Variants in MIER2 observed in about 807,000 individuals in gnomAD.
MIER2 encodes MIER family member 2.
MIER2 carries 30 observed loss-of-function variants against 67.6 expected under a neutral mutation model. The observed-to-expected ratio is 0.44, with a 90% CI of 0.33 to 0.60. The LOEUF (loss-of-function observed/expected upper bound fraction) is 0.60. MIER2 is among the 20% of genes least tolerant of loss of function. The pLI, the probability that MIER2 is intolerant of heterozygous loss-of-function variation, is 0.02. For synonymous variants in MIER2, 372 were observed against 312.6 expected (o/e 1.19, Z -2.00); for missense variants, 702 against 745.1 (o/e 0.94, Z 0.67).
chr19:316,165 C>T (rs374790946), intron 7 of MIER2, among the ~76,000 whole-genome samples: 3 of 152,252 alleles, frequency 2.0e-5, no homozygotes, highest in African/African-American at 7.2e-5. Flanking sequence ...AAGCACAAGG[C>T]CTATTACAAA....
intron 7 of MIER2, among the ~76,000 whole-genome samples, chr19:320,437 G>A (rs974076774): frequency 3.3e-5 from 5 of 151,826 alleles, no homozygotes; most frequent in East Asian, 1.9e-4. Flanking sequence ...AAATAGATAC[G>A]TAAATAAAAT....
intron 7 of MIER2, among the ~76,000 whole-genome samples, chr19:313,874 G>A (rs1971125538): frequency 6.6e-6 from 1 of 152,188 alleles, no homozygotes. Flanking sequence ...ACACAGGCCT[G>A]TATCCCAACG....
At chr19:320,062 T>C (rs879198659) in intron 7 of MIER2, among the ~76,000 whole-genome samples, 1 of 152,098 alleles carries the variant, frequency 6.6e-6, no homozygotes, top group Non-Finnish European at 1.5e-5. Context: ...TAAACTTGTT[T>C]CAGGTGTCCA....
intron 7 of MIER2, among the ~76,000 whole-genome samples, chr19:324,769 C>T (rs928468421): frequency 1.3e-5 from 2 of 152,334 alleles, no homozygotes; most frequent in South Asian, 4.1e-4. Context: ...CCAGACAGGG[C>T]ACCCTCATGG....
chr19:329,966 G>A (rs938640456), intron 3 of MIER2, among the ~76,000 whole-genome samples: 3 of 151,888 alleles, frequency 2.0e-5, no homozygotes, highest in Non-Finnish European at 2.9e-5. Flanking sequence ...GGCGTGGGAA[G>A]CATGCAGAAT....
At chr19:339,300 ACAGACATTTCTC>A (rs1294226834) in intron 1 of MIER2, among the ~76,000 whole-genome samples, 1 of 152,226 alleles carries the variant, frequency 6.6e-6, no homozygotes, top group Non-Finnish European at 1.5e-5. Flanking sequence ...AAGGATCTGA[ACAGACATTTCTC>A]CAAAGAGGAC....
At position 307,519 on chromosome 19, in the gene MIER2, C is replaced by A; in HGVS notation, c.1216G>T (p.Gly406Cys). Residue 406 changes from glycine to cysteine, a missense_variant, in exon 13 of 14, where the codon GGC (glycine) becomes TGC (cysteine). Physicochemically the swap from Gly to Cys is radical, Grantham distance 159. This residue lies in a region of MIER2 where 254 missense variants were observed against 262.8 expected (regional missense o/e 0.97). Transcript: ENST00000264819. ...GGCTCATCGAGACCACCGGCCGTGC[C>A]ATCCACGCTCAGTGGATCTGTGAAA... ...GMRTDPLSVDGTAGGLDEPGV... is the reference protein window; with the variant it reads ...GMRTDPLSVDCTAGGLDEPGV... 2 of 1,509,442 alleles carry A rather than the reference C, an allele frequency of 1.3e-6. No homozygotes were observed. Among genetic ancestry groups the A allele is most frequent in the Middle Eastern group, 1.8e-4 (1 of 5,602 alleles). 93.5% of individuals were successfully genotyped at this position (1,509,442 alleles called of 1,614,324 possible).
intron 1 of MIER2, among the ~76,000 whole-genome samples, chr19:337,174 T>C (rs745469777): frequency 6.6e-6 from 1 of 151,906 alleles, no homozygotes; most frequent in Non-Finnish European, 1.5e-5. Context: ...CACAAAACCC[T>C]CAACAAAATA....
intron 7 of MIER2, 51 bp downstream of exon 7, chr19:325,584 C>T (rs148338534): frequency 8.7e-6 from 14 of 1,602,808 alleles, no homozygotes; most frequent in Non-Finnish European, 1.2e-5. Flanking sequence ...CCAGCCAGGC[C>T]ACTCCCCTTG....
rs1970754855 is a variant in MIER2 at position 308,259 on chromosome 19, G to A, written c.1198+318C>T. ...TGGTGACGGGCTAAGTCCCCACCCT[G>A]GGGCAGGAAGGCCCTCCCCGGAGAC... On this transcript the variant is annotated intron_variant, in intron 12 of 13. Coordinates refer to ENST00000264819, the MANE Select transcript of MIER2 (RefSeq NM_017550.3). The surrounding 1 kb of genome is among the most constrained non-coding windows in gnomAD (Gnocchi z 9.1). Among the ~76,000 whole-genome samples the A allele has an allele frequency of 6.6e-6, 1 of 152,156 alleles. No individual in the cohort carries two copies. Among genetic ancestry groups the A allele is most frequent in the African/African-American group, 2.4e-5 (1 of 41,436 alleles).
chr19:308,780 G>A lies in MIER2; in HGVS notation c.1109+21C>T, dbSNP rs752787758. 6.3e-7 allele frequency: 1 copy of A among 1,596,620 alleles called. No homozygotes were observed. The highest frequency in any genetic ancestry group is 8.6e-7 in the Non-Finnish European group (1 of 1,166,706). On this transcript the variant is annotated intron_variant, in intron 11 of 13. Coordinates refer to ENST00000264819, the MANE Select transcript of MIER2 (RefSeq NM_017550.3). This position sits in a 1 kb window ranked among gnomAD's most constrained non-coding sequence, Gnocchi z 9.1. The stretch of plus-strand genomic sequence containing the variant: ...GGCGGGGTGGCCGCCTGTCGTTACT[G>A]CTGGGGAGGGCTGCACGCACGTGGT...
chr19:337,648 CTT>C (rs1417347737), intron 1 of MIER2, among the ~76,000 whole-genome samples: 18 of 151,860 alleles, frequency 1.2e-4, no homozygotes, highest in Admixed American at 4.6e-4. Flanking sequence ...AGGCGGATCC[CTT>C]GAGGTCAGGA....
chr19:342,349 G>A (rs549668346), intron 1 of MIER2, among the ~76,000 whole-genome samples: 8 of 152,110 alleles, frequency 5.3e-5, no homozygotes, highest in South Asian at 2.1e-4. Flanking sequence ...CAGGGCGCAC[G>A]GGCTCTGCAA....
intron 7 of MIER2, among the ~76,000 whole-genome samples, chr19:322,814 G>A (rs938272648): frequency 4.6e-5 from 7 of 152,106 alleles, no homozygotes; most frequent in African/African-American, 9.7e-5. Context: ...CACTAACGAC[G>A]CACACGAGGG....
chr19:323,464 G>C (rs1410373176), intron 7 of MIER2, among the ~76,000 whole-genome samples: 1 of 150,612 alleles, frequency 6.6e-6, no homozygotes, highest in Non-Finnish European at 1.5e-5. Flanking sequence ...CGACTCGAAT[G>C]ACACAGGCAT....
intron 7 of MIER2, among the ~76,000 whole-genome samples, chr19:316,896 G>A (rs894860087): frequency 2.7e-5 from 4 of 150,694 alleles, no homozygotes; most frequent in African/African-American, 9.8e-5. Context: ...TTGAGCCCAG[G>A]AGGCGGAGGT....
chr19:318,406 G>A (rs1321269294), intron 7 of MIER2, among the ~76,000 whole-genome samples: 1 of 152,100 alleles, frequency 6.6e-6, no homozygotes, highest in African/African-American at 2.4e-5. Flanking sequence ...TCAACACAAA[G>A]ACAAAGCAAT....
intron 7 of MIER2, among the ~76,000 whole-genome samples, chr19:325,382 C>T (rs1219311316): frequency 2.0e-5 from 3 of 152,084 alleles, no homozygotes; most frequent in Non-Finnish European, 4.4e-5. Context: ...AGAGGCAGGA[C>T]GGGCTGCTGA....
chr19:340,321 G>A (rs549129598), intron 1 of MIER2, among the ~76,000 whole-genome samples: 24 of 152,300 alleles, frequency 1.6e-4, no homozygotes, highest in African/African-American at 5.8e-4. Flanking sequence ...CCACACAGGT[G>A]AAAACCCATG....
Sources: gnomAD v4.1 joint callset for allele counts (sites outside exome capture counted in the v4.1 genomes callset) on GRCh38, gnomAD v4.1.1 for gene constraint, gnomAD v4.1.1 regional missense constraint, Gnocchi (gnomAD v3.1) non-coding constraint, MANE v1.5 for transcripts, NCBI Gene and HGNC (gene_info 2026-07-23, HGNC 2026-07-21) for gene names.